ZNF232: variants seen among roughly 807,000 people sequenced by gnomAD.
The protein encoded by ZNF232 is zinc finger protein 232, also known as zinc finger and SCAN domain-containing protein 11.
A neutral mutation model predicts 25.2 loss-of-function variants in ZNF232; 25 were observed. The ratio of observed to expected loss-of-function variants is 0.99; its 90% CI spans 0.72 to 1.39. The LOEUF (loss-of-function observed/expected upper bound fraction) is 1.39, where lower values mean the gene tolerates loss of function less well. ZNF232 is among the 40% of genes most tolerant of loss of function. The pLI is 0.00. For synonymous variants in ZNF232, 193 were observed against 182.9 expected (o/e 1.06, Z -0.45); for missense variants, 519 against 520.9 (o/e 1.00, Z 0.04).
upstream of ZNF232, chr17:5,112,072 A>C (rs2072430080): frequency 5.2e-6 from 3 of 580,838 alleles, no homozygotes; most frequent in Non-Finnish European, 9.0e-6. Flanking sequence ...GGTGCCCTGG[A>C]GGCCCCTGGG....
chr17:5,112,258 A>G (rs1240605052), upstream of ZNF232: 4 of 208,490 alleles, frequency 1.9e-5, no homozygotes, highest in Admixed American at 5.4e-5. Flanking sequence ...CTATTTTCCA[A>G]TTACCTCTTC....
intron 2 of ZNF232, 29 bp downstream of exon 2, chr17:5,109,365 C>T: frequency 6.2e-7 from 1 of 1,613,510 alleles, no homozygotes; most frequent in Non-Finnish European, 8.5e-7. Flanking sequence ...CAATCTGGCT[C>T]CCATAACAGA....
exon 2 of ZNF232, chr17:5,109,477 C>T (rs2072342929): frequency 6.2e-7 from 1 of 1,614,178 alleles, no homozygotes; most frequent in Non-Finnish European, 8.5e-7. Context: ...TGTCCCCGCA[C>T]CCAGGATTGG....
chr17:5,108,602 G>A (rs1053276620), intron 3 of ZNF232, among the ~76,000 whole-genome samples: 4 of 152,002 alleles, frequency 2.6e-5, no homozygotes, highest in Non-Finnish European at 5.9e-5. Context: ...CAGTGGAGAT[G>A]ATAAGGCATA....
intron 1 of ZNF232, chr17:5,111,383 G>A (rs956557919): frequency 2.0e-5 from 5 of 252,192 alleles, no homozygotes; most frequent in South Asian, 1.7e-4. Flanking sequence ...GAGCACAAAG[G>A]GGGACCGCTG....
At chr17:5,115,875 A>AG (rs1270082545), upstream of ZNF232, among the ~76,000 whole-genome samples, 1 of 152,034 alleles carries the variant, frequency 6.6e-6, no homozygotes, top group East Asian at 1.9e-4. Flanking sequence ...TTGGCCACTG[A>AG]GGCGGTCCTC....
chr17:5,116,136 T>C (rs1398295956), upstream of ZNF232, among the ~76,000 whole-genome samples: 1 of 152,162 alleles, frequency 6.6e-6, no homozygotes, highest in East Asian at 1.9e-4. Flanking sequence ...TTCCCCTCAC[T>C]CGACGCTACC....
upstream of ZNF232, chr17:5,112,079 T>C: frequency 1.7e-6 from 1 of 572,498 alleles, no homozygotes; most frequent in Non-Finnish European, 3.1e-6. Context: ...TGGAGGCCCC[T>C]GGGAATTGCA....
chr17:5,122,544 C>T (rs915412327), intron 1 of ZNF232, among the ~76,000 whole-genome samples: 37 of 152,356 alleles, frequency 2.4e-4, no homozygotes, highest in Admixed American at 6.5e-4. Context: ...CGCGTGCCAC[C>T]CGGGAGGCCG....
chr17:5,109,149 G>T, intron 2 of ZNF232, 97 bp from the exon 3 acceptor site: 1 of 1,556,088 alleles, frequency 6.4e-7, no homozygotes, highest in South Asian at 1.2e-5. Context: ...GACCCTCCTT[G>T]GACCAAAGCT....
chr17:5,117,157 A>G (rs980804765), intron 1 of ZNF232, among the ~76,000 whole-genome samples: 5 of 152,246 alleles, frequency 3.3e-5, no homozygotes, highest in African/African-American at 1.2e-4. Context: ...TATAAGTTCC[A>G]TCAGGCCAGA....
At chr17:5,107,971 G>C (rs1013101767) in intron 3 of ZNF232, among the ~76,000 whole-genome samples, 2 of 151,924 alleles carry the variant, frequency 1.3e-5, no homozygotes, top group African/African-American at 2.4e-5. Context: ...TAATAAAATT[G>C]ATAAATGAAT....
In ZNF232 at chr17:5,119,141, AATCACCCCTCTTCCTC is replaced by A. The variant is rs564752634; in HGVS notation, c.-530+3820_-530+3835del. ...AGAAACCTCTCCTAAGCCACACTCCAATCACCCCTCTTCCTCAAAGAGATTATCAGACTCTGACTTT... is the reference window on the plus strand; with the variant it reads ...AGAAACCTCTCCTAAGCCACACTCCAAAAGAGATTATCAGACTCTGACTTT... On this transcript the variant is annotated intron_variant, in intron 1 of 4. Coordinates refer to the ZNF232 transcript ENST00000250076. 2.5e-3 allele frequency among the ~76,000 whole-genome samples: 378 copies of A among 152,236 alleles called. 2 individuals are homozygous for A. Among genetic ancestry groups the A allele is most frequent in the East Asian group, 5.0e-3 (26 of 5,190 alleles).
At chr17:5,120,804 T>TA (rs770905979) in intron 1 of ZNF232, 63 of 451,036 alleles carry the variant, frequency 1.4e-4, no homozygotes, top group Non-Finnish European at 2.7e-4. Flanking sequence ...TGGCCATATG[T>TA]AAGCAGGTGT....
At chr17:5,122,030 T>C (rs1231919576) in intron 1 of ZNF232, among the ~76,000 whole-genome samples, 2 of 149,088 alleles carry the variant, frequency 1.3e-5, no homozygotes, top group Non-Finnish European at 3.0e-5. Context: ...ACATTCACTC[T>C]GGCTGCAGAG....
At chr17:5,113,023 A>T (rs2072455606), upstream of ZNF232, among the ~76,000 whole-genome samples, 1 of 152,246 alleles carries the variant, frequency 6.6e-6, no homozygotes, top group South Asian at 2.1e-4. Context: ...TGATTGATCC[A>T]GTCTCTCAAT....
At chr17:5,115,941 G>A (rs1029235894), upstream of ZNF232, among the ~76,000 whole-genome samples, 1 of 152,206 alleles carries the variant, frequency 6.6e-6, no homozygotes, top group African/African-American at 2.4e-5. Context: ...TAGCGCCGGG[G>A]GATCGGGGCG....
intron 1 of ZNF232, 50 bp downstream of exon 1, chr17:5,111,749 CA>C: frequency 6.2e-7 from 1 of 1,613,006 alleles, no homozygotes; most frequent in Non-Finnish European, 8.5e-7. Context: ...GCGGGACGGG[CA>C]AAAGCCAAGC....
chr17:5,106,654 A>C, intron 3 of ZNF232, 121 bp from the exon 4 acceptor site: 1 of 855,896 alleles, frequency 1.2e-6, no homozygotes, highest in Non-Finnish European at 1.7e-6. Flanking sequence ...TATTGCCAAC[A>C]GTTATCTCTT....
Sources: gnomAD v4.1 joint callset for allele counts (sites outside exome capture counted in the v4.1 genomes callset) on GRCh38, gnomAD v4.1.1 for gene constraint, MANE v1.5 for transcripts, NCBI Gene and HGNC (gene_info 2026-07-23, HGNC 2026-07-21) for gene names.